The following MCOLN3 variants were observed in gnomAD, a reference collection of about 807,000 sequenced individuals.
MCOLN3 encodes mucolipin TRP cation channel 3.
MCOLN3 carries 62 observed loss-of-function variants against 69.4 expected under a neutral mutation model. The ratio of observed to expected loss-of-function variants is 0.89; its 90% CI spans 0.73 to 1.10. The LOEUF is 1.10. MCOLN3 is among the 50% of genes least tolerant of loss of function. The pLI is 0.00. For synonymous variants in MCOLN3, 183 were observed against 217.0 expected (o/e 0.84, Z 1.38); for missense variants, 564 against 656.4 (o/e 0.86, Z 1.54).
intron 11 of MCOLN3, among the ~76,000 whole-genome samples, 199 bp downstream of exon 11, chr1:85,021,871 T>C (rs1651956408): frequency 6.6e-6 from 1 of 152,196 alleles, no homozygotes; most frequent in South Asian, 2.1e-4. Flanking sequence ...CAAGAAAGAA[T>C]GTGAGACAGT....
chr1:85,018,939 G>A lies in MCOLN3; in HGVS notation c.*184C>T. The stretch of plus-strand genomic sequence containing the variant: ...TAAAGTTTTTTTAAAAACAATCCCA[G>A]CATAAAGTTGCAAAGACATTAAATA... On this transcript the variant is annotated 3_prime_UTR_variant, in exon 13 of 13. Transcript: ENST00000370589. The A allele has an allele frequency of 1.9e-6, 1 of 526,248 alleles. No homozygotes were observed. 32.6% of individuals were successfully genotyped at this position (526,248 alleles called of 1,614,324 possible).
Position 85,018,313 on chromosome 1 carries a change from G to A in MCOLN3, c.*810C>T, listed in dbSNP as rs961848579. 6.6e-6 allele frequency: 1 copy of A among 152,234 alleles called. No individual in the cohort carries two copies. Among genetic ancestry groups the A allele is most frequent in the African/African-American group, 2.4e-5 (1 of 41,550 alleles). The allele number at this position is 152,234 out of a possible 1,614,324, so 9.4% of individuals were successfully genotyped here. A position where few individuals can be genotyped will look rare whatever the true frequency, so the allele number is the denominator to read the frequency against. On this transcript the variant is annotated 3_prime_UTR_variant, in exon 13 of 13. Transcript: ENST00000370589. The stretch of plus-strand genomic sequence containing the variant: ...CGCATATACAATGGTGGTCCCAGAA[G>A]ATTATAAAACCATATTTTTACTGTC...
In MCOLN3 at chr1:85,019,050, T is replaced by C. The variant is rs1260271036; in HGVS notation, c.*73A>G. 1.3e-5 allele frequency: 19 copies of C among 1,437,192 alleles called. No individual in the cohort carries two copies. Among genetic ancestry groups the C allele is most frequent in the African/African-American group, 8.5e-5 (6 of 70,526 alleles). 89.0% of individuals were successfully genotyped at this position (1,437,192 alleles called of 1,614,324 possible). ...CAGTCTTCAAACATACTACATCTGATCTCAGAATATCCACAGTGTTCCAAC... is the reference window on the plus strand; with the variant it reads ...CAGTCTTCAAACATACTACATCTGACCTCAGAATATCCACAGTGTTCCAAC... On this transcript the variant is annotated 3_prime_UTR_variant, in exon 13 of 13. Transcript: ENST00000370589.
chr1:85,020,725 G>A (rs1037964170), intron 12 of MCOLN3, among the ~76,000 whole-genome samples: 1 of 152,084 alleles, frequency 6.6e-6, no homozygotes, highest in Non-Finnish European at 1.5e-5. Flanking sequence ...CAATATTTTG[G>A]CTTTCTGAAA....
intron 3 of MCOLN3, among the ~76,000 whole-genome samples, chr1:85,039,487 A>C (rs1009800686): frequency 1.3e-5 from 2 of 152,218 alleles, no homozygotes; most frequent in Non-Finnish European, 2.9e-5. Flanking sequence ...TATTAGGCAG[A>C]AATTTCTGTT....
intron 7 of MCOLN3, among the ~76,000 whole-genome samples, chr1:85,028,671 G>A (rs1571100350): frequency 6.6e-6 from 1 of 152,136 alleles, no homozygotes; most frequent in East Asian, 1.9e-4. Context: ...GGATGCTGCA[G>A]GGTCACATCC....
At chr1:85,039,950 C>CA (rs4001173) in intron 3 of MCOLN3, among the ~76,000 whole-genome samples, 137,861 of 145,660 alleles carry the variant, frequency 0.95, 65,295 homozygotes, top group Middle Eastern at 0.98. Context: ...GATCCTGTCT[C>CA]AAAAAAAAAA....
rs376806512 is a variant in MCOLN3 at position 85,045,014 on chromosome 1, T to C, written c.228+119A>G. 81 of 687,770 alleles carry C rather than the reference T, an allele frequency of 1.2e-4. No individual in the cohort carries two copies. The African/African-American group carries it at 1.4e-3, about 12-fold the overall frequency. The allele number at this position is 687,770 out of a possible 1,614,324, so 42.6% of individuals were successfully genotyped here. A position where few individuals can be genotyped will look rare whatever the true frequency, so the allele number is the denominator to read the frequency against. ...GGGTCTAAGATTGTATGTTTTCTTA[T>C]CTGTTACTCTTCAACATTTTGCATA... On this transcript the variant is annotated intron_variant, in intron 2 of 12. Transcript: ENST00000370589.
At chr1:85,033,243 AG>A (rs1389616610) in intron 4 of MCOLN3, among the ~76,000 whole-genome samples, 1 of 151,852 alleles carries the variant, frequency 6.6e-6, no homozygotes, top group Non-Finnish European at 1.5e-5. Flanking sequence ...TTTTAAGCCT[AG>A]ATAAACTTTG....
At position 85,045,210 on chromosome 1, in the gene MCOLN3, C is replaced by G; in HGVS notation, c.151G>C (p.Glu51Gln). ...KLKFFFMNPC[E>Q]KFWARGRKPW... ...TTTCTACCTCGAGCCCAGAACTTCTCACAGGGATTCATGAAAAAAAATTTG... is the reference window on the plus strand; with the variant it reads ...TTTCTACCTCGAGCCCAGAACTTCTGACAGGGATTCATGAAAAAAAATTTG... Residue 51 changes from glutamate (E) to glutamine (Q), a missense_variant, in exon 2 of 13, where the codon GAG (glutamate) becomes CAG (glutamine). Physicochemically the swap from Glu to Gln is conservative, Grantham distance 29 (BLOSUM62 2). Coordinates refer to ENST00000370589, the MANE Select transcript of MCOLN3 (RefSeq NM_018298.11). 6.2e-7 allele frequency: 1 copy of G among 1,614,074 alleles called. No homozygotes were observed. Among genetic ancestry groups the G allele is most frequent in the Non-Finnish European group, 8.5e-7 (1 of 1,179,998 alleles).
At chr1:85,039,925 T>G (rs1488757338) in intron 3 of MCOLN3, among the ~76,000 whole-genome samples, 4 of 147,956 alleles carry the variant, frequency 2.7e-5, no homozygotes, top group African/African-American at 1.0e-4. Context: ...CACTGCAGCC[T>G]GGGTGACAGA....
intron 3 of MCOLN3, 98 bp from the exon 4 acceptor site, chr1:85,034,349 C>T (rs1454884575): frequency 7.8e-7 from 1 of 1,278,990 alleles, no homozygotes; most frequent in Non-Finnish European, 1.1e-6. Context: ...TGGCAGGTTC[C>T]CTTGGGATAG....
At chr1:85,047,423 C>G (rs1221283351) in intron 1 of MCOLN3, 1 of 152,322 alleles carries the variant, frequency 6.6e-6, no homozygotes, top group African/African-American at 2.4e-5. Flanking sequence ...GCCAGCCACC[C>G]TTGACATTCA....
At chr1:85,026,883 G>A (rs544459713) in intron 7 of MCOLN3, among the ~76,000 whole-genome samples, 207 of 144,272 alleles carry the variant, frequency 1.4e-3, no homozygotes, top group East Asian at 1.2e-3. Flanking sequence ...AGCCTCCCTC[G>A]TAGCTGGAAC....
intron 6 of MCOLN3, among the ~76,000 whole-genome samples, chr1:85,031,371 TAA>T (rs892637179): frequency 6.6e-6 from 1 of 151,886 alleles, no homozygotes; most frequent in African/African-American, 2.4e-5. Flanking sequence ...TATTTCAATA[TAA>T]ATAGAGGAGT....
At chr1:85,035,594 C>T (rs1278083116) in intron 3 of MCOLN3, among the ~76,000 whole-genome samples, 3 of 152,192 alleles carry the variant, frequency 2.0e-5, no homozygotes, top group African/African-American at 7.2e-5. Context: ...TCCAGTCCAT[C>T]TGAAAGTCAT....
intron 3 of MCOLN3, among the ~76,000 whole-genome samples, chr1:85,039,641 T>C (rs1652963522): frequency 6.6e-6 from 1 of 152,200 alleles, no homozygotes; most frequent in Non-Finnish European, 1.5e-5. Flanking sequence ...ATACTACATT[T>C]TGAAGACTGA....
At chr1:85,031,904 C>T (rs1291795341) in intron 6 of MCOLN3, among the ~76,000 whole-genome samples, 2 of 84,776 alleles carry the variant, frequency 2.4e-5, no homozygotes, top group African/African-American at 8.2e-5. Context: ...AACCCCGTCT[C>T]TGCTAAAAAA....
At chr1:85,020,067 A>G (rs995432423) in intron 12 of MCOLN3, among the ~76,000 whole-genome samples, 3 of 152,224 alleles carry the variant, frequency 2.0e-5, no homozygotes, top group African/African-American at 7.2e-5. Context: ...ACCCTCGAAT[A>G]ACACACAGTT....
Sources: gnomAD v4.1 joint callset for allele counts (sites outside exome capture counted in the v4.1 genomes callset) on GRCh38, gnomAD v4.1.1 for gene constraint, MANE v1.5 for transcripts, NCBI Gene and HGNC (gene_info 2026-07-23, HGNC 2026-07-21) for gene names.